The following VAV3 variants were observed in gnomAD, a reference collection of about 807,000 sequenced individuals.
VAV3 encodes the protein vav guanine nucleotide exchange factor 3, also known as guanine nucleotide exchange factor VAV3.
VAV3 carries 94 observed loss-of-function variants against 131.2 expected under a neutral mutation model. The ratio of observed to expected loss-of-function variants is 0.72; its 90% CI spans 0.61 to 0.85. VAV3 has a LOEUF of 0.85. Ranked by LOEUF, VAV3 falls within the 40% of genes least tolerant of loss-of-function variation. The probability of loss-of-function intolerance (pLI) is 0.00; values close to 1 mark genes in which losing one functional copy is unlikely to be tolerated. For missense variants in VAV3, 939 were observed against 1,002.7 expected, an observed-to-expected ratio of 0.94 and a Z score of 0.86; for synonymous variants, 349 against 342.0, an observed-to-expected ratio of 1.02 and a Z score of -0.22.
chr1:107,737,524 C>G (rs1350278762), intron 15 of VAV3, among the ~76,000 whole-genome samples: 1 of 152,086 alleles, frequency 6.6e-6, no homozygotes, highest in Non-Finnish European at 1.5e-5. Flanking sequence ...AATCAAACAA[C>G]CCATCAAAAA....
At chr1:107,653,484 C>T (rs528335830) in intron 19 of VAV3, among the ~76,000 whole-genome samples, 5 of 152,034 alleles carry the variant, frequency 3.3e-5, no homozygotes, top group African/African-American at 1.2e-4. Context: ...TCTATGAGTC[C>T]ACTTTCAAAC....
intron 2 of VAV3, among the ~76,000 whole-genome samples, chr1:107,790,243 C>A (rs539300795): frequency 6.6e-6 from 1 of 152,288 alleles, no homozygotes; most frequent in African/African-American, 2.4e-5. Flanking sequence ...TATGTGCTTC[C>A]CATTTCCCCA....
At chr1:107,880,131 G>A (rs1463216146) in intron 1 of VAV3, among the ~76,000 whole-genome samples, 1 of 152,174 alleles carries the variant, frequency 6.6e-6, no homozygotes, top group Non-Finnish European at 1.5e-5. Flanking sequence ...ACAATAGTTT[G>A]GCAAGTGCAA....
At chr1:107,781,261 C>G (rs17556028) in intron 2 of VAV3, among the ~76,000 whole-genome samples, 8 of 151,902 alleles carry the variant, frequency 5.3e-5, no homozygotes, top group Non-Finnish European at 8.8e-5. Context: ...CTATCATATG[C>G]TTAACTCAGT....
chr1:107,616,576 C>G (rs1171167636), intron 21 of VAV3, among the ~76,000 whole-genome samples: 1 of 152,124 alleles, frequency 6.6e-6, no homozygotes, highest in Admixed American at 6.5e-5. Flanking sequence ...ACATGTACCC[C>G]TAAACCTAAA....
intron 17 of VAV3, among the ~76,000 whole-genome samples, chr1:107,692,834 A>C (rs985696492): frequency 6.6e-5 from 10 of 152,168 alleles, no homozygotes; most frequent in Non-Finnish European, 1.0e-4. Flanking sequence ...TTGCATTCTC[A>C]CTAAAGGAAA....
At chr1:107,698,897 A>G (rs1260362521) in intron 17 of VAV3, among the ~76,000 whole-genome samples, 1 of 152,154 alleles carries the variant, frequency 6.6e-6, no homozygotes, top group Non-Finnish European at 1.5e-5. Flanking sequence ...CTTATTCACT[A>G]TCATGAGAAC....
chr1:107,615,722 C>T (rs1653104431), intron 21 of VAV3, among the ~76,000 whole-genome samples: 1 of 151,466 alleles, frequency 6.6e-6, no homozygotes, highest in Non-Finnish European at 1.5e-5. Flanking sequence ...TAATATCCAG[C>T]ATCTATAAAA....
Position 107,622,110 on chromosome 1 carries a change from T to G in VAV3, c.1915-4478A>C, listed in dbSNP as rs1484778602. ...ATGCCTTTTTCCTGAAAAGCAATTT[T>G]TTTCCTGTAGAAAATGTATCAAACT... is the stretch of plus-strand genomic sequence containing the variant. On this transcript the variant is annotated intron_variant, in intron 20 of 26. Transcript: ENST00000370056. 2.0e-5 allele frequency among the ~76,000 whole-genome samples: 3 copies of G among 152,300 alleles called. No individual in the cohort carries two copies. The East Asian group carries it at 5.8e-4, about 29-fold the overall frequency.
At chr1:107,814,006 GTGTGTGTGTA>G (rs1667450121) in intron 2 of VAV3, among the ~76,000 whole-genome samples, 1 of 148,712 alleles carries the variant, frequency 6.7e-6, no homozygotes, top group Admixed American at 6.7e-5. Flanking sequence ...GTGTGTGTGT[GTGTGTGTGTA>G]TACACACCAT....
intron 2 of VAV3, among the ~76,000 whole-genome samples, chr1:107,836,055 C>T (rs567525120): frequency 2.0e-5 from 3 of 152,108 alleles, no homozygotes; most frequent in Non-Finnish European, 2.9e-5. Flanking sequence ...TAGAGACCCA[C>T]GAAAAGACAG....
At chr1:107,579,436 C>A (rs377751417) in intron 25 of VAV3, among the ~76,000 whole-genome samples, 1 of 152,158 alleles carries the variant, frequency 6.6e-6, no homozygotes, top group African/African-American at 2.4e-5. Flanking sequence ...ATGTTTCCCC[C>A]CTGCAAGAAC....
intron 2 of VAV3, among the ~76,000 whole-genome samples, chr1:107,805,400 G>C (rs1667016005): frequency 6.6e-6 from 1 of 151,996 alleles, no homozygotes; most frequent in South Asian, 2.1e-4. Context: ...CCATCTTCAA[G>C]CTCACTGATC....
intron 15 of VAV3, among the ~76,000 whole-genome samples, chr1:107,742,661 C>G (rs1663092195): frequency 6.6e-6 from 1 of 152,190 alleles, no homozygotes; most frequent in Non-Finnish European, 1.5e-5. Context: ...ACGAGGCTTT[C>G]TTTTCCCCTT....
At chr1:107,936,827 C>T (rs1348023518) in intron 1 of VAV3, among the ~76,000 whole-genome samples, 1 of 152,188 alleles carries the variant, frequency 6.6e-6, no homozygotes, top group Admixed American at 6.5e-5. Context: ...ACTTATGCCT[C>T]ATCGCAAACC....
chr1:107,605,838 G>GA (rs952222294), intron 22 of VAV3, among the ~76,000 whole-genome samples: 5 of 152,114 alleles, frequency 3.3e-5, no homozygotes, highest in African/African-American at 7.2e-5. Context: ...TCCAAAATCT[G>GA]AAAAAATCTG....
intron 22 of VAV3, among the ~76,000 whole-genome samples, chr1:107,605,780 A>G (rs1652215570): frequency 6.6e-6 from 1 of 152,210 alleles, no homozygotes; most frequent in Non-Finnish European, 1.5e-5. Context: ...TTTTGTGTTT[A>G]CACTTGGGTT....
At chr1:107,634,310 T>C (rs1378036134) in intron 20 of VAV3, among the ~76,000 whole-genome samples, 2 of 152,014 alleles carry the variant, frequency 1.3e-5, no homozygotes, top group Non-Finnish European at 2.9e-5. Context: ...CCCTCAAAAA[T>C]AATGCCACAT....
At chr1:107,756,811 T>G (rs1376146939) in intron 11 of VAV3, among the ~76,000 whole-genome samples, 2 of 152,032 alleles carry the variant, frequency 1.3e-5, no homozygotes, top group African/African-American at 4.8e-5. Context: ...TATCCTCATA[T>G]GAGGAAAATA....
Sources: gnomAD v4.1 joint callset for allele counts (sites outside exome capture counted in the v4.1 genomes callset) on GRCh38, gnomAD v4.1.1 for gene constraint, MANE v1.5 for transcripts, NCBI Gene and HGNC (gene_info 2026-07-23, HGNC 2026-07-21) for gene names.